The following SIK3 variants were observed in gnomAD, a reference collection of about 807,000 sequenced individuals.
The protein encoded by SIK3 is SIK family kinase 3.
Under a neutral mutation model 144.2 loss-of-function variants are expected in SIK3, and 28 were observed. The ratio of observed to expected loss-of-function variants is 0.19; its 90% confidence interval spans 0.14 to 0.27. The LOEUF is 0.27. Among genes scored for constraint, SIK3 ranks in the 10% least tolerant of loss-of-function variants. The probability of loss-of-function intolerance (pLI) is 1.00; values close to 1 mark genes in which losing one functional copy is unlikely to be tolerated. For synonymous variants in SIK3, 686 were observed against 676.3 expected (o/e 1.01, Z -0.22); for missense variants, 1,319 against 1,776.0 (o/e 0.74, Z 4.62).
chr11:116,940,012 A>G (rs757025520), intron 3 of SIK3, among the ~76,000 whole-genome samples: 2 of 152,228 alleles, frequency 1.3e-5, no homozygotes, highest in Non-Finnish European at 2.9e-5. Context: ...CTATTACATG[A>G]TAGTAAGGAA....
At chr11:117,007,045 T>C (rs1215821688) in intron 1 of SIK3, among the ~76,000 whole-genome samples, 1 of 152,190 alleles carries the variant, frequency 6.6e-6, no homozygotes, top group Non-Finnish European at 1.5e-5. Context: ...GTGTTCCCTT[T>C]GGACATGCTC....
At position 116,868,087 on chromosome 11, in the gene SIK3, T is replaced by C; in HGVS notation, c.1811A>G (p.Tyr604Cys). 6.4e-7 allele frequency: 1 copy of C among 1,550,616 alleles called. No homozygotes were observed. Among genetic ancestry groups the C allele is most frequent in the Non-Finnish European group, 8.7e-7 (1 of 1,146,994 alleles). Residue 604 changes from tyrosine to cysteine, a missense_variant and splice_region_variant, in exon 15 of 25, where the codon TAC becomes TGC. This residue lies in a region of SIK3 where 167 missense variants were observed against 263.3 expected (regional missense o/e 0.63). Coordinates refer to ENST00000445177, the MANE Select transcript of SIK3 (RefSeq NM_001366686.3). ...ATGTCTTTTGGACCTATTTGCCAAG[T>C]ACCTGCAACAAGCAGGAGCACATTT... ...GEPDQEAVQR[Y>C]LANRSKRHTL... is the part of the protein sequence containing the mutation.
chr11:116,981,626 ACT>A (rs957829410), intron 1 of SIK3, among the ~76,000 whole-genome samples: 2 of 152,180 alleles, frequency 1.3e-5, no homozygotes, highest in Non-Finnish European at 2.9e-5. Flanking sequence ...GCCCCATCTG[ACT>A]CAAAATAACC....
At chr11:117,067,768 C>T (rs756589395) in intron 1 of SIK3, among the ~76,000 whole-genome samples, 1 of 152,026 alleles carries the variant, frequency 6.6e-6, no homozygotes, top group Non-Finnish European at 1.5e-5. Flanking sequence ...GGGAGGATCA[C>T]TTGAGGTCAG....
intron 13 of SIK3, among the ~76,000 whole-genome samples, chr11:116,871,048 A>G (rs1943944083): frequency 6.6e-6 from 1 of 152,232 alleles, no homozygotes; most frequent in African/African-American, 2.4e-5. Context: ...CTGAAATTAC[A>G]TTTTGGTACA....
chr11:117,013,967 C>CTTTTTTTTTTTTTTTTTTTTTTTTTTTT (rs1951406146), intron 1 of SIK3, among the ~76,000 whole-genome samples: 1 of 7,374 alleles, frequency 1.4e-4, no homozygotes, highest in Non-Finnish European at 3.3e-4. Flanking sequence ...TTCTTTTTTT[C>CTTTTTTTTTTTTTTTTTTTTTTTTTTTT]TTTTCTTTTT....
At chr11:116,973,229 T>G (rs191923051) in intron 1 of SIK3, among the ~76,000 whole-genome samples, 13 of 152,302 alleles carry the variant, frequency 8.5e-5, no homozygotes, top group East Asian at 3.9e-4. Context: ...GCTGCTAAAT[T>G]TGTGGCAGGT....
At chr11:117,014,473 T>C (rs1178878782) in intron 1 of SIK3, among the ~76,000 whole-genome samples, 1 of 151,886 alleles carries the variant, frequency 6.6e-6, no homozygotes, top group Non-Finnish European at 1.5e-5. Context: ...AAAGATTAAA[T>C]TTCATTACAA....
intron 19 of SIK3, among the ~76,000 whole-genome samples, chr11:116,860,767 T>C (rs1044305643): frequency 6.6e-6 from 1 of 152,168 alleles, no homozygotes; most frequent in Admixed American, 6.5e-5. Context: ...GTAGTCCCCA[T>C]GTGTCAAGGG....
At chr11:116,937,604 G>A (rs959708860) in intron 3 of SIK3, among the ~76,000 whole-genome samples, 11 of 152,086 alleles carry the variant, frequency 7.2e-5, no homozygotes, top group African/African-American at 2.4e-4. Context: ...AATACTACTG[G>A]TATTGTTTTC....
chr11:116,988,504 G>C (rs957727666), intron 1 of SIK3, among the ~76,000 whole-genome samples: 1 of 152,100 alleles, frequency 6.6e-6, no homozygotes, highest in Non-Finnish European at 1.5e-5. Context: ...CATTGGCCCA[G>C]CCAGTGGTGC....
chr11:116,897,039 A>G (rs913373267), intron 5 of SIK3, among the ~76,000 whole-genome samples, 154 bp downstream of exon 5: 6 of 152,002 alleles, frequency 3.9e-5, no homozygotes, highest in Admixed American at 3.9e-4. Context: ...AAAAAAAAAA[A>G]AAAAAAGGCT....
At chr11:116,880,318 T>C (rs1944480298) in intron 6 of SIK3, among the ~76,000 whole-genome samples, 1 of 148,174 alleles carries the variant, frequency 6.7e-6, no homozygotes, top group African/African-American at 2.6e-5. Context: ...AAAAAAAAAA[T>C]CTGCACAAGA....
rs1466318283 is a variant in SIK3, at chr11:116,859,329, T to G, written c.2701A>C (p.Thr901Pro). 6.2e-7 allele frequency: 1 copy of G among 1,613,666 alleles called. No homozygotes were observed. The highest frequency in any genetic ancestry group is 2.2e-5 in the East Asian group (1 of 44,860). ...AAGGGACGGTGCCCATAGCTGAGGG[T>G]GGCCATCAGGTTGGTACGGTGCTGC... ...QMQHRTNLMATLSYGHRPLSK... is the reference protein window; with the variant it reads ...QMQHRTNLMAPLSYGHRPLSK... The change falls in exon 20 of 25, where the codon ACC (threonine) becomes CCC (proline). Residue 901 changes from threonine (T) to proline (P), a missense_variant. Coordinates refer to ENST00000445177, the MANE Select transcript of SIK3 (RefSeq NM_001366686.3).
At chr11:116,996,245 T>C (rs1215361646) in intron 1 of SIK3, among the ~76,000 whole-genome samples, 1 of 151,986 alleles carries the variant, frequency 6.6e-6, no homozygotes, top group Non-Finnish European at 1.5e-5. Flanking sequence ...GAGACAAAGG[T>C]TGCAATGAGC....
At chr11:117,086,143 A>G (rs1954992358) in intron 1 of SIK3, among the ~76,000 whole-genome samples, 1 of 152,212 alleles carries the variant, frequency 6.6e-6, no homozygotes, top group South Asian at 2.1e-4. Context: ...TTCCACAGTC[A>G]TAACCCCACA....
At chr11:116,871,636 C>T (rs1009636990) in intron 13 of SIK3, among the ~76,000 whole-genome samples, 3 of 151,964 alleles carry the variant, frequency 2.0e-5, no homozygotes, top group African/African-American at 2.4e-5. Context: ...GTTAGGATGC[C>T]GTGGTGTTCA....
intron 1 of SIK3, among the ~76,000 whole-genome samples, chr11:117,045,968 G>A (rs1277001216): frequency 6.6e-6 from 1 of 152,202 alleles, no homozygotes; most frequent in Non-Finnish European, 1.5e-5. Flanking sequence ...TACGTTCTGT[G>A]GCAGACTCAG....
chr11:116,922,560 G>T lies in SIK3; in HGVS notation c.616+4659C>A, dbSNP rs7949467. On this transcript the variant is annotated intron_variant, in intron 4 of 24. Coordinates refer to ENST00000445177, the MANE Select transcript of SIK3 (RefSeq NM_001366686.3). ...CCAGCACTTTATGAGGCCAAGGCAGGAGAATCGCTTGAGGCCAGGAGTTTG... is the reference window on the plus strand; with the variant it reads ...CCAGCACTTTATGAGGCCAAGGCAGTAGAATCGCTTGAGGCCAGGAGTTTG... Among the ~76,000 whole-genome samples the T allele has an allele frequency of 4.9e-3, 742 of 152,294 alleles. 12 individuals carry two copies. The highest frequency in any genetic ancestry group is 0.016 in the African/African-American group (680 of 41,550).
Sources: allele counts gnomAD v4.1 joint callset (sites outside exome capture counted in the v4.1 genomes callset), GRCh38; gene constraint gnomAD v4.1.1; regional missense constraint gnomAD v4.1.1; transcripts MANE v1.5; gene names NCBI Gene and HGNC (gene_info 2026-07-23, HGNC 2026-07-21).